Variants in COP1 observed in about 807,000 individuals in gnomAD.
COP1 encodes the protein COP1 E3 ubiquitin ligase.
COP1 carries 24 observed loss-of-function variants against 101.3 expected under a neutral mutation model. That is an observed-to-expected ratio of 0.24 (90% CI 0.17 to 0.33). The LOEUF is 0.33. Ranked by LOEUF, COP1 falls within the 10% of genes least tolerant of loss-of-function variation. COP1 has a pLI of 1.00. For missense variants in COP1, 663 were observed against 906.2 expected, an observed-to-expected ratio of 0.73 and a Z score of 3.45; for synonymous variants, 347 against 341.9, an observed-to-expected ratio of 1.01 and a Z score of -0.17.
chr1:176,008,316 T>C (rs10798441), intron 15 of COP1, among the ~76,000 whole-genome samples: 144,564 of 152,244 alleles, frequency 0.95, 68,931 homozygotes, highest in East Asian at 1. Flanking sequence ...GCGTTGCTCA[T>C]GCTGGGAGCT....
chr1:176,170,238 C>T (rs1174807406), intron 3 of COP1, among the ~76,000 whole-genome samples: 1 of 152,174 alleles, frequency 6.6e-6, no homozygotes, highest in Admixed American at 6.5e-5. Flanking sequence ...ATATTTTGAC[C>T]TCCTCCCATG....
At chr1:175,965,194 T>C (rs553012998) in intron 18 of COP1, among the ~76,000 whole-genome samples, 59 of 152,176 alleles carry the variant, frequency 3.9e-4, no homozygotes, top group Non-Finnish European at 7.6e-4. Flanking sequence ...TCATGGACTC[T>C]GTGTATAGTC....
chr1:176,113,991 C>T (rs1685747389), intron 9 of COP1, among the ~76,000 whole-genome samples: 1 of 144,968 alleles, frequency 6.9e-6, no homozygotes, highest in Non-Finnish European at 1.5e-5. Flanking sequence ...GTTTTTTAAA[C>T]GTGGCTAGAC....
chr1:176,097,214 A>T (rs181480874), intron 9 of COP1, among the ~76,000 whole-genome samples: 76 of 151,442 alleles, frequency 5.0e-4, no homozygotes, highest in African/African-American at 1.8e-3. Flanking sequence ...CTCTTCTAGG[A>T]CCTTGTTTTG....
At chr1:176,125,076 C>A (rs1265054698) in intron 8 of COP1, among the ~76,000 whole-genome samples, 2 of 148,292 alleles carry the variant, frequency 1.3e-5, no homozygotes, top group South Asian at 4.4e-4. Context: ...AATGTCTAAT[C>A]TTTTACCCAT....
intron 11 of COP1, among the ~76,000 whole-genome samples, chr1:176,051,928 T>C (rs886067816): frequency 6.6e-6 from 1 of 152,054 alleles, no homozygotes; most frequent in Non-Finnish European, 1.5e-5. Flanking sequence ...CAAAAAAAAA[T>C]TTTTAAGTTA....
intron 8 of COP1, among the ~76,000 whole-genome samples, chr1:176,126,658 T>C (rs1023319360): frequency 6.6e-6 from 1 of 152,134 alleles, no homozygotes; most frequent in Non-Finnish European, 1.5e-5. Flanking sequence ...TTCACCATGT[T>C]GGCCAGGATG....
At chr1:175,987,985 T>TTTC (rs1323574303) in intron 17 of COP1, among the ~76,000 whole-genome samples, 1 of 152,186 alleles carries the variant, frequency 6.6e-6, no homozygotes, top group Admixed American at 6.5e-5. Flanking sequence ...AACTTAACCT[T>TTTC]TTCTGTCTTC....
intron 15 of COP1, among the ~76,000 whole-genome samples, chr1:175,990,859 G>C (rs565337436): frequency 6.6e-6 from 1 of 150,664 alleles, no homozygotes; most frequent in African/African-American, 2.4e-5. Context: ...ATTTGTGTCT[G>C]TGAATCTAAA....
intron 9 of COP1, among the ~76,000 whole-genome samples, chr1:176,113,397 T>C (rs1685618340): frequency 6.6e-6 from 1 of 152,226 alleles, no homozygotes; most frequent in Admixed American, 6.5e-5. Flanking sequence ...GATTATTATT[T>C]GTTGCAATCA....
chr1:176,178,680 C>T (rs1235007103), intron 2 of COP1, among the ~76,000 whole-genome samples: 1 of 151,826 alleles, frequency 6.6e-6, no homozygotes, highest in Non-Finnish European at 1.5e-5. Context: ...GGCAAAACCC[C>T]GTCTCTACTA....
chr1:176,082,624 T>G (rs552793520), intron 10 of COP1, among the ~76,000 whole-genome samples: 1 of 151,848 alleles, frequency 6.6e-6, no homozygotes, highest in Non-Finnish European at 1.5e-5. Flanking sequence ...CTGACTAACA[T>G]GGAGAAACCC....
intron 3 of COP1, among the ~76,000 whole-genome samples, chr1:176,168,502 AAGGG>A (rs34528132): frequency 0.84 from 89,269 of 106,430 alleles, 38,570 homozygotes; most frequent in Non-Finnish European, 0.93. Flanking sequence ...GGGAAGAAGG[AAGGG>A]AGGGAGGGAG....
intron 14 of COP1, among the ~76,000 whole-genome samples, chr1:176,028,645 T>C (rs1042350456): frequency 3.2e-5 from 4 of 123,352 alleles, no homozygotes; most frequent in African/African-American, 1.2e-4. Flanking sequence ...AACTAAGACA[T>C]AAAAGACAGG....
At chr1:176,038,782 C>T (rs957639301) in intron 14 of COP1, among the ~76,000 whole-genome samples, 3 of 150,530 alleles carry the variant, frequency 2.0e-5, no homozygotes, top group Non-Finnish European at 2.9e-5. Flanking sequence ...CATATCATTG[C>T]ACTCCAGCCT....
chr1:176,157,923 A>G (rs1366259122), intron 5 of COP1, among the ~76,000 whole-genome samples: 6 of 152,202 alleles, frequency 3.9e-5, no homozygotes, highest in Non-Finnish European at 8.8e-5. Flanking sequence ...TCAATGACCT[A>G]AAGAACAACT....
In COP1 at chr1:176,092,531, C is replaced by T. The variant is rs765079166; in HGVS notation, c.1027-6641G>A. Among the ~76,000 whole-genome samples, 3 of 151,696 alleles carry T rather than the reference C, an allele frequency of 2.0e-5. No individual in the cohort carries two copies. The East Asian group carries it at 5.8e-4, about 29-fold the overall frequency. On this transcript the variant is annotated intron_variant, in intron 9 of 19. Coordinates refer to ENST00000367669, the MANE Select transcript of COP1 (RefSeq NM_022457.7). ...TATATCTATTTCTCTAAGACCAACA[C>T]AAAAAAATGGGGAAAGACTTGAAAT...
At chr1:175,949,611 C>T (rs553997579) in intron 18 of COP1, among the ~76,000 whole-genome samples, 1 of 152,196 alleles carries the variant, frequency 6.6e-6, no homozygotes, top group Admixed American at 6.5e-5. Context: ...TCTCACTGAT[C>T]AACCTAGTTG....
chr1:176,171,841 T>C (rs1017457903), intron 3 of COP1, among the ~76,000 whole-genome samples: 2 of 152,210 alleles, frequency 1.3e-5, no homozygotes, highest in African/African-American at 4.8e-5. Context: ...GTGTGTGATA[T>C]GAAGTTTAAG....
Sources: allele counts gnomAD v4.1 joint callset (sites outside exome capture counted in the v4.1 genomes callset), GRCh38; gene constraint gnomAD v4.1.1; transcripts MANE v1.5; gene names NCBI Gene and HGNC (gene_info 2026-07-23, HGNC 2026-07-21).